Variants in EYS observed in about 807,000 individuals in gnomAD.
EYS encodes EGF-like photoreceptor maintenance factor, also known as protein eyes shut homolog.
Under a neutral mutation model 282.1 loss-of-function variants are expected in EYS, and 250 were observed. That is an observed-to-expected ratio of 0.89 (90% CI 0.80 to 0.98). The LOEUF (loss-of-function observed/expected upper bound fraction) is 0.98. Among genes scored for constraint, EYS ranks in the 50% least tolerant of loss-of-function variants. EYS has a pLI of 0.00. For missense variants in EYS, 4,016 were observed against 3,709.0 expected (o/e 1.08, Z -2.15); for synonymous variants, 1,355 against 1,282.9 (o/e 1.06, Z -1.20).
intron 5 of EYS, among the ~76,000 whole-genome samples, chr6:65,471,459 G>T (rs1010665666): frequency 1.3e-5 from 2 of 152,028 alleles, no homozygotes; most frequent in Admixed American, 6.6e-5. Context: ...AAATGACGAT[G>T]AATTCTGGGA....
chr6:64,593,116 C>T lies in EYS; in HGVS notation c.3877+1G>A, dbSNP rs1582932254. 1 of 1,513,580 alleles carries T rather than the reference C, an allele frequency of 6.6e-7. No homozygotes were observed. Among genetic ancestry groups the T allele is most frequent in the Non-Finnish European group, 8.8e-7 (1 of 1,133,300 alleles). 93.8% of individuals were successfully genotyped at this position (1,513,580 alleles called of 1,614,324 possible). A position where few individuals can be genotyped will look rare whatever the true frequency, so the allele number is the denominator to read the frequency against. Reference sequence around the variant, plus strand: ...TTAATATCTTACCCACTTCTACTTACCTTGATCAACTGGGTAAGTGTCCAT... The same window carrying T: ...TTAATATCTTACCCACTTCTACTTATCTTGATCAACTGGGTAAGTGTCCAT... On this transcript the variant is annotated splice_donor_variant, in intron 25 of 42. Transcript: ENST00000503581. LOFTEE classifies it high-confidence loss of function.
intron 39 of EYS, among the ~76,000 whole-genome samples, chr6:63,783,097 C>A (rs565849114): frequency 3.9e-5 from 6 of 151,916 alleles, no homozygotes; most frequent in Non-Finnish European, 7.4e-5. Context: ...AAAGTACTGA[C>A]CGTGTTGGCT....
intron 40 of EYS, among the ~76,000 whole-genome samples, chr6:63,770,926 C>T (rs1769912647): frequency 6.6e-6 from 1 of 152,140 alleles, no homozygotes; most frequent in African/African-American, 2.4e-5. Flanking sequence ...CCCCTATGGC[C>T]TTCCTTTCTT....
At chr6:65,381,333 G>A (rs1765601978) in intron 8 of EYS, among the ~76,000 whole-genome samples, 2 of 151,976 alleles carry the variant, frequency 1.3e-5, no homozygotes, top group African/African-American at 2.4e-5. Context: ...GGATGAAGCT[G>A]GAAACCATCA....
chr6:64,309,189 A>C (rs1769577034), intron 29 of EYS, among the ~76,000 whole-genome samples: 1 of 152,212 alleles, frequency 6.6e-6, no homozygotes, highest in African/African-American at 2.4e-5. Flanking sequence ...CTCTGTTAAG[A>C]TCCTTATTAT....
At chr6:65,229,376 T>C (rs981204781) in intron 12 of EYS, among the ~76,000 whole-genome samples, 1 of 151,934 alleles carries the variant, frequency 6.6e-6, no homozygotes, top group Non-Finnish European at 1.5e-5. Flanking sequence ...AGCAAGGATG[T>C]TGTTTTTGTT....
chr6:64,378,427 A>T (rs1339404338), intron 29 of EYS, among the ~76,000 whole-genome samples: 2 of 152,152 alleles, frequency 1.3e-5, no homozygotes, highest in African/African-American at 4.8e-5. Flanking sequence ...GCTTCATAAC[A>T]TGAGCTTCTA....
intron 31 of EYS, among the ~76,000 whole-genome samples, chr6:64,093,382 A>G (rs1476541130): frequency 6.6e-6 from 1 of 152,178 alleles, no homozygotes; most frequent in Non-Finnish European, 1.5e-5. Context: ...CTTCCTACCC[A>G]TGAGCATGGA....
At chr6:65,662,462 T>A (rs1336422515) in intron 1 of EYS, among the ~76,000 whole-genome samples, 1 of 152,170 alleles carries the variant, frequency 6.6e-6, no homozygotes, top group African/African-American at 2.4e-5. Context: ...GACATCGATG[T>A]TAAATAAAAA....
In EYS at chr6:63,790,346, A is replaced by G. The variant is rs1415016569; in HGVS notation, c.7412-1122T>C. Among the ~76,000 whole-genome samples the G allele has an allele frequency of 2.6e-5, 4 of 152,182 alleles. No homozygotes were observed. In the South Asian group the frequency reaches 8.3e-4, roughly 32 times the overall value. ...AGAGGTGGGCTTCCTGAGGCACTGG[A>G]AAGTGGAAGACAGAAATATTATTTA... is the stretch of plus-strand genomic sequence containing the variant. On this transcript the variant is annotated intron_variant, in intron 37 of 42. Transcript: ENST00000503581.
At chr6:64,607,994 G>GCTT (rs1455600908) in intron 24 of EYS, among the ~76,000 whole-genome samples, 2 of 152,072 alleles carry the variant, frequency 1.3e-5, no homozygotes, top group African/African-American at 4.8e-5. Context: ...AAATAGTTAG[G>GCTT]CTTCCTTCAT....
chr6:64,059,448 G>A (rs80324093), intron 33 of EYS, among the ~76,000 whole-genome samples: 3,504 of 152,208 alleles, frequency 0.023, 141 homozygotes, highest in African/African-American at 0.08. Context: ...CATCAAACTG[G>A]CTGGTAGAGT....
At chr6:64,078,092 C>A (rs1771834262) in intron 32 of EYS, among the ~76,000 whole-genome samples, 1 of 151,938 alleles carries the variant, frequency 6.6e-6, no homozygotes, top group South Asian at 2.1e-4. Flanking sequence ...CAGTTTTGAA[C>A]CAGGAATATA....
chr6:65,610,241 T>C (rs2149794546), intron 2 of EYS, among the ~76,000 whole-genome samples: 1 of 152,128 alleles, frequency 6.6e-6, no homozygotes, highest in South Asian at 2.1e-4. Context: ...GTGGTTTTTC[T>C]TTTTTGGTTT....
chr6:64,427,283 CAATT>C (rs1338238828), intron 28 of EYS, among the ~76,000 whole-genome samples: 1 of 152,026 alleles, frequency 6.6e-6, no homozygotes, highest in African/African-American at 2.4e-5. Flanking sequence ...GAGGCTTTAA[CAATT>C]AAAGCAACAT....
In EYS at chr6:64,768,694, G is replaced by A. The variant is rs1583136161; in HGVS notation, c.3443+44684C>T. On this transcript the variant is annotated intron_variant, in intron 22 of 42. Transcript: ENST00000503581. Reference sequence around the variant, plus strand: ...TAATATGAGCCCTTTGGTGATAAAGGTACAGAAGCAAAGCTTTCTTATGAT... The same window carrying A: ...TAATATGAGCCCTTTGGTGATAAAGATACAGAAGCAAAGCTTTCTTATGAT... 5.9e-5 allele frequency among the ~76,000 whole-genome samples: 9 copies of A among 152,196 alleles called. No individual in the cohort carries two copies. In the South Asian group the frequency reaches 1.9e-3, roughly 32 times the overall value.
intron 8 of EYS, among the ~76,000 whole-genome samples, chr6:65,381,229 A>G (rs1765598086): frequency 6.6e-6 from 1 of 152,274 alleles, no homozygotes; most frequent in South Asian, 2.1e-4. Context: ...ATGCCCATCA[A>G]TGATAGGCTG....
intron 12 of EYS, among the ~76,000 whole-genome samples, chr6:65,100,823 T>C (rs1010615683): frequency 6.6e-5 from 10 of 150,536 alleles, no homozygotes; most frequent in South Asian, 2.1e-4. Context: ...AATCTTAAGA[T>C]ACATGAAAGC....
At chr6:63,996,579 A>G (rs1582100536) in intron 34 of EYS, among the ~76,000 whole-genome samples, 1 of 152,254 alleles carries the variant, frequency 6.6e-6, no homozygotes, top group East Asian at 1.9e-4. Context: ...AATAAAAAAA[A>G]GAAAACATCA....
Sources: allele counts gnomAD v4.1 joint callset (sites outside exome capture counted in the v4.1 genomes callset), GRCh38; gene constraint gnomAD v4.1.1; transcripts MANE v1.5; gene names NCBI Gene and HGNC (gene_info 2026-07-23, HGNC 2026-07-21).